Variants in RAD51B observed in about 807,000 individuals in gnomAD.
RAD51B encodes the protein DNA repair protein RAD51 homolog 2.
A neutral mutation model predicts 42.2 loss-of-function variants in RAD51B; 38 were observed. The ratio of observed to expected loss-of-function variants is 0.90; its 90% CI spans 0.70 to 1.18. The LOEUF is 1.18. Among genes scored for constraint, RAD51B ranks in the 50% most tolerant of loss-of-function variants. The probability of loss-of-function intolerance (pLI) is 0.00; values close to 1 mark genes in which losing one functional copy is unlikely to be tolerated. For synonymous variants in RAD51B, 154 were observed against 145.2 expected, an observed-to-expected ratio of 1.06 and a Z score of -0.43; for missense variants, 373 against 400.7, an observed-to-expected ratio of 0.93 and a Z score of 0.59.
chr14:68,086,468 A>G (rs148848289), intron 7 of RAD51B, among the ~76,000 whole-genome samples: 8 of 152,234 alleles, frequency 5.3e-5, no homozygotes, highest in Non-Finnish European at 1.0e-4. Context: ...AGAAGTGCCT[A>G]TACTCACCTA....
intron 7 of RAD51B, among the ~76,000 whole-genome samples, chr14:68,086,357 A>G (rs2140502432): frequency 6.6e-6 from 1 of 151,942 alleles, no homozygotes; most frequent in Non-Finnish European, 1.5e-5. Flanking sequence ...TCCAGCCACC[A>G]TGTGTCCGCC....
chr14:68,015,332 AATATT>A (rs2075760125), intron 7 of RAD51B, among the ~76,000 whole-genome samples: 1 of 152,202 alleles, frequency 6.6e-6, no homozygotes. Context: ...AGGAGATATG[AATATT>A]ATAATAGGGG....
intron 11 of RAD51B, chr14:68,682,887 T>TTAA: frequency 1.1e-6 from 1 of 919,178 alleles, no homozygotes; most frequent in Non-Finnish European, 1.3e-6. Flanking sequence ...TTTTTTTTTT[T>TTAA]AATAAAAATC....
chr14:67,982,735 GT>G (rs202189847), intron 7 of RAD51B, among the ~76,000 whole-genome samples: 6 of 150,672 alleles, frequency 4.0e-5, no homozygotes, highest in Non-Finnish European at 7.4e-5. Flanking sequence ...CTGCTTCTAT[GT>G]TTTTTTTTAA....
In RAD51B at chr14:68,121,344, T is replaced by TGTA. The variant is rs1277942400; in HGVS notation, c.757-170535_757-170533dup. On this transcript the variant is annotated intron_variant, in intron 7 of 10. Transcript: ENST00000471583. ...CCAATTATTCCAGGCAGTGAGAAAT[T>TGTA]GTAGTAGACATGTTTTATGGCACCT... 2.0e-5 allele frequency among the ~76,000 whole-genome samples: 3 copies of TGTA among 152,280 alleles called. No individual in the cohort carries two copies. In the East Asian group the frequency reaches 5.8e-4, roughly 29 times the overall value.
intron 7 of RAD51B, among the ~76,000 whole-genome samples, chr14:67,993,781 A>G (rs1338831722): frequency 6.6e-6 from 1 of 152,108 alleles, no homozygotes; most frequent in African/African-American, 2.4e-5. Context: ...TGTTCTCCAT[A>G]GTGGTGGTAA....
At chr14:68,355,187 C>T (rs1030545594) in intron 8 of RAD51B, among the ~76,000 whole-genome samples, 2 of 152,126 alleles carry the variant, frequency 1.3e-5, no homozygotes, top group African/African-American at 4.8e-5. Flanking sequence ...TGTCCCATTT[C>T]TTATGTTGCC....
At chr14:68,555,667 A>C (rs1888806811) in intron 10 of RAD51B, among the ~76,000 whole-genome samples, 1 of 152,168 alleles carries the variant, frequency 6.6e-6, no homozygotes, top group Non-Finnish European at 1.5e-5. Flanking sequence ...GGCACTGCTG[A>C]GTTACTTACT....
At chr14:68,557,050 G>A (rs1238445581) in intron 10 of RAD51B, among the ~76,000 whole-genome samples, 2 of 152,146 alleles carry the variant, frequency 1.3e-5, no homozygotes, top group African/African-American at 4.8e-5. Context: ...CTTCCAAGAA[G>A]CTTTGGCTGG....
intron 8 of RAD51B, among the ~76,000 whole-genome samples, chr14:68,397,317 G>T (rs890168224): frequency 2.0e-5 from 3 of 152,214 alleles, no homozygotes; most frequent in Non-Finnish European, 4.4e-5. Flanking sequence ...TTTTGCAGAT[G>T]TGAACTGACT....
chr14:67,998,908 G>C (rs932405072), intron 7 of RAD51B, among the ~76,000 whole-genome samples: 5 of 152,076 alleles, frequency 3.3e-5, no homozygotes, highest in Admixed American at 6.6e-5. Flanking sequence ...TAGTCTCAAG[G>C]GGAACCCTGT....
rs779111056 is a variant in RAD51B at position 68,497,167 on chromosome 14, A to G, written c.1036+28917A>G. Reference sequence around the variant, plus strand: ...GACAGATAAATGTGCAAACCTGTTCATCTTGCCAAGAAAAATCCGCTTTTC... The same window carrying G: ...GACAGATAAATGTGCAAACCTGTTCGTCTTGCCAAGAAAAATCCGCTTTTC... On this transcript the variant is annotated intron_variant, in intron 10 of 10. Transcript: ENST00000487270. 30 of 1,399,104 alleles carry G rather than the reference A, an allele frequency of 2.1e-5. 3 individuals are homozygous for G. The South Asian group carries it at 2.7e-4, about 13-fold the overall frequency. 86.7% of individuals were successfully genotyped at this position (1,399,104 alleles called of 1,614,324 possible). A position where few individuals can be genotyped will look rare whatever the true frequency, so the allele number is the denominator to read the frequency against.
At chr14:67,948,422 G>T (rs1333879166) in intron 7 of RAD51B, among the ~76,000 whole-genome samples, 1 of 152,180 alleles carries the variant, frequency 6.6e-6, no homozygotes, top group Non-Finnish European at 1.5e-5. Flanking sequence ...ATGCAACCCA[G>T]CAGCACTGTT....
chr14:68,596,676 GC>G (rs1331051550), downstream of RAD51B, among the ~76,000 whole-genome samples: 1 of 152,230 alleles, frequency 6.6e-6, no homozygotes, highest in East Asian at 1.9e-4. Context: ...AAACAGATAG[GC>G]CTGGCACACG....
At chr14:67,914,663 C>G (rs937859607) in intron 7 of RAD51B, among the ~76,000 whole-genome samples, 3 of 152,162 alleles carry the variant, frequency 2.0e-5, no homozygotes, top group African/African-American at 7.2e-5. Flanking sequence ...CTCATGTTTT[C>G]TGCAATTATG....
chr14:68,364,617 G>A (rs1345313195), intron 8 of RAD51B, among the ~76,000 whole-genome samples: 1 of 152,214 alleles, frequency 6.6e-6, no homozygotes, highest in African/African-American at 2.4e-5. Flanking sequence ...GCCTCACAGG[G>A]CGCTGTGGCA....
chr14:68,649,194 C>T (rs970977826), intron 10 of RAD51B, among the ~76,000 whole-genome samples: 2 of 152,164 alleles, frequency 1.3e-5, no homozygotes, highest in Non-Finnish European at 2.9e-5. Flanking sequence ...CTGAGCATCT[C>T]GTGGTTGAGC....
intron 11 of RAD51B, among the ~76,000 whole-genome samples, chr14:68,662,974 T>G (rs758322780): frequency 1.4e-4 from 21 of 152,146 alleles, no homozygotes; most frequent in Non-Finnish European, 1.9e-4. Context: ...CTGGCTTCAG[T>G]TGGGTTCTGC....
chr14:67,876,320 GT>G (rs1304674652), intron 5 of RAD51B, among the ~76,000 whole-genome samples: 1 of 152,128 alleles, frequency 6.6e-6, no homozygotes, highest in Non-Finnish European at 1.5e-5. Flanking sequence ...TTAAGCGTAT[GT>G]TTTATTTCAA....
Sources: allele counts gnomAD v4.1 joint callset (sites outside exome capture counted in the v4.1 genomes callset), GRCh38; gene constraint gnomAD v4.1.1; transcripts MANE v1.5; gene names NCBI Gene and HGNC (gene_info 2026-07-23, HGNC 2026-07-21).